Variants in HNRNPH1 observed in about 807,000 individuals in gnomAD.
HNRNPH1 encodes the protein heterogeneous nuclear ribonucleoprotein H.
Under a neutral mutation model 58.6 loss-of-function variants are expected in HNRNPH1, and 4 were observed. That is an observed-to-expected ratio of 0.07 (90% confidence interval 0.03 to 0.16). HNRNPH1 has a LOEUF of 0.16. Among genes scored for constraint, HNRNPH1 ranks in the 10% least tolerant of loss-of-function variants. The pLI is 1.00. For synonymous variants in HNRNPH1, 192 were observed against 189.2 expected, an observed-to-expected ratio of 1.01 and a Z score of -0.12; for missense variants, 271 against 564.2, an observed-to-expected ratio of 0.48 and a Z score of 5.26.
chr5:179,622,137 C>A (rs4301193), intron 1 of HNRNPH1, among the ~76,000 whole-genome samples: 151,002 of 152,342 alleles, frequency 0.99, 74,857 homozygotes, highest in East Asian at 1. Flanking sequence ...ACTGCAAAAA[C>A]ACTTCCCTGG....
At chr5:179,627,335 G>A (rs576973930), upstream of HNRNPH1, among the ~76,000 whole-genome samples, 22 of 151,806 alleles carry the variant, frequency 1.4e-4, no homozygotes, top group Middle Eastern at 7.0e-3. Flanking sequence ...GGGACTAAAG[G>A]CACTTTCAAC....
At chr5:179,616,127 G>A (rs568172786) in exon 11 of HNRNPH1, 14 of 1,610,404 alleles carry the variant, frequency 8.7e-6, no homozygotes, top group African/African-American at 5.3e-5. Flanking sequence ...AGGCTTTACC[G>A]TATCCACTCA....
chr5:179,630,143 G>A (rs1171654402), intron 2 of HNRNPH1, among the ~76,000 whole-genome samples: 1 of 152,022 alleles, frequency 6.6e-6, no homozygotes, highest in East Asian at 1.9e-4. Context: ...GAGGTCGGGA[G>A]TTCAAGACCA....
Position 179,617,120 on chromosome 5 carries a change from GAA to G in HNRNPH1, c.1058-12_1058-11del, listed in dbSNP as rs745607196. On this transcript the variant is annotated splice_polypyrimidine_tract_variant and intron_variant, in intron 8 of 12. Coordinates refer to ENST00000356731, the Ensembl canonical transcript of HNRNPH1. ...TCTACATATCTGTGTTCTGAAATGAGAAAAAAAAAGTTTGAAAATGTTTGTTG... is the reference window on the plus strand; with the variant it reads ...TCTACATATCTGTGTTCTGAAATGAGAAAAAAAGTTTGAAAATGTTTGTTG... 6.9e-6 allele frequency: 11 copies of G among 1,604,798 alleles called. No homozygotes were observed. The highest frequency in any genetic ancestry group is 1.7e-6 in the Non-Finnish European group (2 of 1,176,122).
At chr5:179,623,349 G>A in exon 1 of HNRNPH1, 2 of 386,784 alleles carry the variant, frequency 5.2e-6, no homozygotes, top group South Asian at 2.6e-5. Context: ...ACAGCTGTCG[G>A]CGCCCCGAAC....
chr5:179,617,172 TTTATA>T lies in HNRNPH1; in HGVS notation c.1058-67_1058-63del, dbSNP rs1216571009. On this transcript the variant is annotated intron_variant, in intron 8 of 12. Transcript: ENST00000356731. Reference sequence around the variant, plus strand: ...GGTGAAACAAAACAGAATAAGCACTTTTATAAAGTTTTTAAACAAGCAGATCTGTG... The same window carrying T: ...GGTGAAACAAAACAGAATAAGCACTTAAGTTTTTAAACAAGCAGATCTGTG... 2.0e-6 allele frequency: 3 copies of T among 1,506,286 alleles called. No homozygotes were observed. The African/African-American group carries it at 4.2e-5, about 21-fold the overall frequency. The allele number at this position is 1,506,286 out of a possible 1,614,324, so 93.3% of individuals were successfully genotyped here. A position where few individuals can be genotyped will look rare whatever the true frequency, so the allele number is the denominator to read the frequency against.
intron 1 of HNRNPH1, chr5:179,621,922 G>C (rs981381773): frequency 2.2e-6 from 1 of 456,288 alleles, no homozygotes; most frequent in African/African-American, 2.0e-5. Context: ...CCCCCTGCAA[G>C]GCGGCTTCCA....
At chr5:179,618,119 G>C in intron 5 of HNRNPH1, 26 bp downstream of exon 6, 1 of 1,613,474 alleles carries the variant, frequency 6.2e-7, no homozygotes, top group Non-Finnish European at 8.5e-7. Context: ...CAGACGACTT[G>C]CCGAACCTTA....
Position 179,617,822 on chromosome 5 carries a change from C to T in HNRNPH1, c.898G>A (p.Ala300Thr). Residue 300 changes from alanine to threonine, a missense_variant, in exon 7 of 13, where the codon GCT becomes ACT. Ala to Thr is a moderately conservative substitution (Grantham distance 58). This residue lies in a region of HNRNPH1 where 74 missense variants were observed against 127.3 expected (regional missense o/e 0.58). Coordinates refer to ENST00000356731, the Ensembl canonical transcript of HNRNPH1. ...ACATTATAAATGTCATTCTCAGTAG[C>T]TCTGTAAGGTAATCCCCGCATGTGT... 6.2e-7 allele frequency: 1 copy of T among 1,613,898 alleles called. No individual in the cohort carries two copies. Among genetic ancestry groups the T allele is most frequent in the Non-Finnish European group, 8.5e-7 (1 of 1,179,856 alleles).
At chr5:179,622,649 TG>T (rs1773062901) in intron 1 of HNRNPH1, among the ~76,000 whole-genome samples, 2 of 152,052 alleles carry the variant, frequency 1.3e-5, no homozygotes, top group Non-Finnish European at 2.9e-5. Context: ...AGGCGGAGGT[TG>T]CAGTGAGCCG....
At chr5:179,620,022 G>A (rs1348307744) in intron 3 of HNRNPH1, 3 of 152,130 alleles carry the variant, frequency 2.0e-5, no homozygotes, top group African/African-American at 7.2e-5. Context: ...TTACAAAAAG[G>A]ACTTAAAGCA....
In HNRNPH1 at chr5:179,620,879, C is replaced by T. The variant is rs769350421; in HGVS notation, c.397+13G>A. 2.5e-6 allele frequency: 4 copies of T among 1,613,000 alleles called. No homozygotes were observed. Among genetic ancestry groups the T allele is most frequent in the African/African-American group, 1.3e-5 (1 of 74,918 alleles). On this transcript the variant is annotated intron_variant, in intron 3 of 12. Coordinates refer to ENST00000356731, the Ensembl canonical transcript of HNRNPH1. ...CCAAAACTCACTGCTCAGCAACAAA[C>T]ATGACTACATACCTGAGAAGAACTG...
intron 1 of HNRNPH1, 172 bp from the exon 3 acceptor site, chr5:179,621,569 T>C: frequency 1.7e-6 from 1 of 601,600 alleles, no homozygotes. Flanking sequence ...AAAAACAAAC[T>C]CATTCCTAAG....
intron 2 of HNRNPH1, among the ~76,000 whole-genome samples, chr5:179,629,867 A>G (rs1774695370): frequency 6.6e-6 from 1 of 151,838 alleles, no homozygotes; most frequent in Admixed American, 6.6e-5. Context: ...TACTAAAAAA[A>G]TACAAAAATT....
chr5:179,614,802 A>G (rs948928012), exon 13 of HNRNPH1: 1 of 995,260 alleles, frequency 1.0e-6, no homozygotes, highest in Non-Finnish European at 1.5e-6. Flanking sequence ...AAAAAAAAAA[A>G]AAAAGGTTGA....
chr5:179,623,045 A>G, exon 1 of HNRNPH1: 1 of 1,574,886 alleles, frequency 6.3e-7, no homozygotes, highest in Non-Finnish European at 8.7e-7. Context: ...ACCAGAAAAA[A>G]ACCTCTGCAC....
intron 1 of HNRNPH1, chr5:179,621,808 C>T: frequency 5.3e-6 from 2 of 379,950 alleles, no homozygotes; most frequent in Middle Eastern, 7.4e-4. Flanking sequence ...ATTACGGTTT[C>T]TCATTCAAAT....
chr5:179,630,883 C>A (rs1230827943), intron 2 of HNRNPH1, among the ~76,000 whole-genome samples: 2 of 150,982 alleles, frequency 1.3e-5, no homozygotes, highest in Admixed American at 6.6e-5. Context: ...TGCACTCCAG[C>A]CTGGGCGACA....
chr5:179,617,379 C>G, intron 8 of HNRNPH1, 135 bp downstream of exon 9: 1 of 1,043,228 alleles, frequency 9.6e-7, no homozygotes, highest in Non-Finnish European at 1.4e-6. Flanking sequence ...CAACACACTG[C>G]CCCCGCATCC....
Sources: gnomAD v4.1 joint callset for allele counts (sites outside exome capture counted in the v4.1 genomes callset) on GRCh38, gnomAD v4.1.1 for gene constraint, gnomAD v4.1.1 regional missense constraint, MANE v1.5 for transcripts, NCBI Gene and HGNC (gene_info 2026-07-23, HGNC 2026-07-21) for gene names.